SORCS3: variants seen among roughly 807,000 people sequenced by gnomAD.
SORCS3 encodes VPS10 domain-containing receptor SorCS3.
In SORCS3, 57 loss-of-function variants were observed where a neutral mutation model predicts 146.3. That is an observed-to-expected ratio of 0.39 (90% CI 0.31 to 0.49). SORCS3 has a LOEUF of 0.49. Ranked by LOEUF, SORCS3 falls within the 20% of genes least tolerant of loss-of-function variation. SORCS3 has a pLI of 0.92. For missense variants in SORCS3, 1,341 were observed against 1,575.5 expected, an observed-to-expected ratio of 0.85 and a Z score of 2.52; for synonymous variants, 653 against 618.5, an observed-to-expected ratio of 1.06 and a Z score of -0.83.
intron 2 of SORCS3, among the ~76,000 whole-genome samples, chr10:104,871,910 G>A (rs1488387926): frequency 1.3e-5 from 2 of 152,030 alleles, no homozygotes; most frequent in Admixed American, 6.6e-5. Flanking sequence ...ACCCCTTTGC[G>A]TCTTATTTCT....
chr10:104,862,837 A>G (rs1054531729), intron 2 of SORCS3, among the ~76,000 whole-genome samples: 2 of 152,130 alleles, frequency 1.3e-5, no homozygotes, highest in Non-Finnish European at 2.9e-5. Flanking sequence ...ATCTGCAAAA[A>G]TCTTAATTTG....
chr10:104,762,235 G>A (rs893007130), intron 1 of SORCS3, among the ~76,000 whole-genome samples: 1 of 152,154 alleles, frequency 6.6e-6, no homozygotes, highest in African/African-American at 2.4e-5. Flanking sequence ...TGTGGCACAT[G>A]TTGCCTGACC....
At chr10:105,137,600 A>G (rs1196991128) in intron 7 of SORCS3, among the ~76,000 whole-genome samples, 1 of 152,176 alleles carries the variant, frequency 6.6e-6, no homozygotes, top group Non-Finnish European at 1.5e-5. Flanking sequence ...ACAGAGGTCT[A>G]TGCAAATTGT....
At chr10:104,857,638 C>T (rs2018349271) in intron 2 of SORCS3, among the ~76,000 whole-genome samples, 2 of 152,146 alleles carry the variant, frequency 1.3e-5, no homozygotes, top group South Asian at 4.2e-4. Flanking sequence ...AAAACTTTTC[C>T]CCCCAGAATC....
Position 104,821,935 on chromosome 10 carries a change from A to G in SORCS3, c.628-20857A>G, listed in dbSNP as rs140805688. ...AGGTACATAGTAGGTGCTGTGTACA[A>G]GGTTATTGGAATAAAATAACCTTGA... On this transcript the variant is annotated intron_variant, in intron 1 of 26. Coordinates refer to ENST00000369701, the MANE Select transcript of SORCS3 (RefSeq NM_014978.3). Among the ~76,000 whole-genome samples the G allele has an allele frequency of 7.2e-5, 11 of 152,326 alleles. No homozygotes were observed. The East Asian group carries it at 2.1e-3, about 29-fold the overall frequency.
At chr10:105,231,693 A>C (rs2056766402) in intron 20 of SORCS3, among the ~76,000 whole-genome samples, 1 of 152,096 alleles carries the variant, frequency 6.6e-6, no homozygotes, top group African/African-American at 2.4e-5. Context: ...TTTCCCCTCT[A>C]TTCTAAGTTT....
intron 1 of SORCS3, among the ~76,000 whole-genome samples, chr10:104,681,361 C>T (rs2015972771): frequency 6.6e-6 from 1 of 152,026 alleles, no homozygotes; most frequent in South Asian, 2.1e-4. Flanking sequence ...AGTGTGGGGG[C>T]TGCTGAGCGA....
intron 1 of SORCS3, among the ~76,000 whole-genome samples, chr10:104,794,841 T>C (rs987762644): frequency 6.6e-6 from 1 of 152,118 alleles, no homozygotes; most frequent in African/African-American, 2.4e-5. Flanking sequence ...CTCGGGATAG[T>C]GTAGCCCAAC....
intron 17 of SORCS3, among the ~76,000 whole-genome samples, chr10:105,211,994 G>C (rs775661082): frequency 6.6e-6 from 1 of 152,112 alleles, no homozygotes. Flanking sequence ...ATGTGATGTC[G>C]ATATTGCTGG....
chr10:104,722,790 T>C (rs577849215), intron 1 of SORCS3, among the ~76,000 whole-genome samples: 1 of 152,356 alleles, frequency 6.6e-6, no homozygotes, highest in South Asian at 2.1e-4. Flanking sequence ...TATTCTCTGA[T>C]GGTAGTTTGT....
intron 25 of SORCS3, among the ~76,000 whole-genome samples, chr10:105,260,641 C>G (rs887335261): frequency 2.0e-5 from 3 of 152,142 alleles, no homozygotes; most frequent in African/African-American, 7.2e-5. Context: ...ATTTTTTCTT[C>G]TGAATTAGCT....
intron 1 of SORCS3, among the ~76,000 whole-genome samples, chr10:104,760,242 A>G (rs1426909377): frequency 6.6e-6 from 1 of 152,182 alleles, no homozygotes; most frequent in East Asian, 1.9e-4. Flanking sequence ...CAGACTGTGA[A>G]CTTAGCATGG....
At chr10:104,874,001 T>C (rs2018545301) in intron 2 of SORCS3, among the ~76,000 whole-genome samples, 1 of 152,232 alleles carries the variant, frequency 6.6e-6, no homozygotes, top group South Asian at 2.1e-4. Flanking sequence ...CAGGTTATTA[T>C]TGTAATACAA....
chr10:105,263,211 C>T, intron 26 of SORCS3, 99 bp from the exon 27 acceptor site: 1 of 1,097,248 alleles, frequency 9.1e-7, no homozygotes, highest in Non-Finnish European at 1.3e-6. Context: ...TATTAAGCAC[C>T]TGTTCTGGGT....
intron 5 of SORCS3, among the ~76,000 whole-genome samples, chr10:105,077,624 C>T (rs981386163): frequency 1.3e-5 from 2 of 151,620 alleles, no homozygotes; most frequent in Non-Finnish European, 2.9e-5. Context: ...TAGGCAGAAC[C>T]CTATCCTAGG....
chr10:104,828,714 C>T (rs1230599791), intron 1 of SORCS3, among the ~76,000 whole-genome samples: 2 of 152,128 alleles, frequency 1.3e-5, no homozygotes, highest in East Asian at 3.9e-4. Flanking sequence ...AAGTGAAACA[C>T]AGTAAAACAA....
At chr10:105,257,254 T>C (rs2056937138) in intron 25 of SORCS3, among the ~76,000 whole-genome samples, 1 of 152,244 alleles carries the variant, frequency 6.6e-6, no homozygotes. Context: ...ATTCAGAAGA[T>C]GTTTTTATAT....
At chr10:105,227,985 TTGTGTGTGTGTGTGTGTGTGTGTGTGTG>T (rs59033040) in intron 20 of SORCS3, among the ~76,000 whole-genome samples, 1 of 128,856 alleles carries the variant, frequency 7.8e-6, no homozygotes, top group Non-Finnish European at 1.6e-5. Context: ...TGTGGTCATT[TTGTGTGTGTGTGTGTGTGTGTGTGTGTG>T]TGTGTGTGTG....
At chr10:105,235,921 AG>A (rs906151298) in intron 20 of SORCS3, among the ~76,000 whole-genome samples, 2 of 152,098 alleles carry the variant, frequency 1.3e-5, no homozygotes, top group African/African-American at 4.8e-5. Flanking sequence ...ATAAATATAT[AG>A]TAAAACTATA....
Sources: gnomAD v4.1 joint callset for allele counts (sites outside exome capture counted in the v4.1 genomes callset) on GRCh38, gnomAD v4.1.1 for gene constraint, MANE v1.5 for transcripts, NCBI Gene and HGNC (gene_info 2026-07-23, HGNC 2026-07-21) for gene names.